Variants in MIPOL1 observed in about 807,000 individuals in gnomAD.
MIPOL1 encodes mirror-image polydactyly 1.
MIPOL1 carries 57 observed loss-of-function variants against 60.9 expected under a neutral mutation model. The ratio of observed to expected loss-of-function variants is 0.94; its 90% CI spans 0.76 to 1.17. The LOEUF is 1.17. Ranked by LOEUF, MIPOL1 falls within the 50% of genes most tolerant of loss-of-function variation. MIPOL1 has a pLI of 0.00. For missense variants in MIPOL1, 551 were observed against 511.6 expected (o/e 1.08, Z -0.74); for synonymous variants, 179 against 168.8 (o/e 1.06, Z -0.47).
chr14:37,239,963 C>T (rs1027205305), intron 1 of MIPOL1, among the ~76,000 whole-genome samples: 14 of 152,142 alleles, frequency 9.2e-5, no homozygotes, highest in African/African-American at 3.1e-4. Flanking sequence ...GCATGCAGCA[C>T]TGTCCTTTGG....
At chr14:37,302,155 A>G (rs1280607939) in intron 7 of MIPOL1, among the ~76,000 whole-genome samples, 2 of 149,424 alleles carry the variant, frequency 1.3e-5, no homozygotes, top group East Asian at 4.0e-4. Context: ...AATCTATGTT[A>G]ATTTTATAAG....
chr14:37,525,018 AAG>A (rs2095438580), intron 12 of MIPOL1, among the ~76,000 whole-genome samples: 1 of 152,194 alleles, frequency 6.6e-6, no homozygotes, highest in South Asian at 2.1e-4. Flanking sequence ...ATAAGAATAA[AAG>A]GGGTCCTTAA....
chr14:37,233,313 G>T (rs577178421), intron 1 of MIPOL1, among the ~76,000 whole-genome samples: 1 of 152,094 alleles, frequency 6.6e-6, no homozygotes, highest in East Asian at 1.9e-4. Context: ...GAAGTCAGTT[G>T]GCTGTATTTA....
intron 1 of MIPOL1, among the ~76,000 whole-genome samples, chr14:37,230,131 C>T (rs535162516): frequency 6.6e-6 from 1 of 152,082 alleles, no homozygotes; most frequent in South Asian, 2.1e-4. Flanking sequence ...TGCACCCATT[C>T]CACAATGTAT....
intron 6 of MIPOL1, chr14:37,278,802 T>C (rs1305331648): frequency 6.6e-6 from 1 of 151,916 alleles, no homozygotes; most frequent in African/African-American, 2.4e-5. Flanking sequence ...GGAATATGGA[T>C]TTGCCAATAG....
intron 11 of MIPOL1, among the ~76,000 whole-genome samples, chr14:37,442,310 T>G (rs768386429): frequency 6.6e-6 from 1 of 152,154 alleles, no homozygotes; most frequent in Non-Finnish European, 1.5e-5. Context: ...AATCATATTG[T>G]CAACAAAGAG....
chr14:37,480,638 A>G (rs2094848509), intron 11 of MIPOL1, among the ~76,000 whole-genome samples: 1 of 152,164 alleles, frequency 6.6e-6, no homozygotes, highest in African/African-American at 2.4e-5. Context: ...CTCCTCTAAG[A>G]TCTGGGATCA....
At chr14:37,362,927 C>T (rs1049661952) in intron 9 of MIPOL1, among the ~76,000 whole-genome samples, 2 of 152,130 alleles carry the variant, frequency 1.3e-5, no homozygotes, top group African/African-American at 2.4e-5. Flanking sequence ...GCATGTGTCA[C>T]GACATTCTTG....
chr14:37,469,956 A>G (rs1268398346), intron 11 of MIPOL1, among the ~76,000 whole-genome samples: 1 of 152,164 alleles, frequency 6.6e-6, no homozygotes, highest in Non-Finnish European at 1.5e-5. Flanking sequence ...ATGGACTAAG[A>G]TGGGGATGGA....
chr14:37,505,188 T>G (rs1014242765), intron 12 of MIPOL1: 4 of 152,176 alleles, frequency 2.6e-5, no homozygotes, highest in Admixed American at 1.3e-4. Context: ...GAGGAGCTGG[T>G]ACCATCCCTT....
chr14:37,435,883 G>T (rs1192746295), intron 11 of MIPOL1, among the ~76,000 whole-genome samples: 2 of 152,128 alleles, frequency 1.3e-5, no homozygotes, highest in African/African-American at 2.4e-5. Context: ...GCTTAGAAAT[G>T]ATAATGAAAA....
At chr14:37,338,959 A>G (rs1164407586) in intron 9 of MIPOL1, among the ~76,000 whole-genome samples, 1 of 152,204 alleles carries the variant, frequency 6.6e-6, no homozygotes, top group African/African-American at 2.4e-5. Flanking sequence ...AGCTGTAACT[A>G]TAAAGAAAAT....
chr14:37,526,414 G>T (rs1464306363), intron 12 of MIPOL1, among the ~76,000 whole-genome samples: 1 of 147,144 alleles, frequency 6.8e-6, no homozygotes, highest in Non-Finnish European at 1.5e-5. Context: ...CTGTCGTCCA[G>T]GCTCTAGTGC....
At chr14:37,551,944 G>T (rs967665655), downstream of MIPOL1, 5 of 150,964 alleles carry the variant, frequency 3.3e-5, no homozygotes, top group African/African-American at 1.2e-4. Context: ...CTACCATAAA[G>T]CACCTCTACT....
chr14:37,451,971 C>A (rs1045461721), intron 11 of MIPOL1, among the ~76,000 whole-genome samples: 1 of 150,756 alleles, frequency 6.6e-6, no homozygotes, highest in African/African-American at 2.5e-5. Context: ...CCCGCCATCA[C>A]GCCCGGCTAA....
At chr14:37,329,898 C>G (rs1490974721) in intron 9 of MIPOL1, among the ~76,000 whole-genome samples, 2 of 152,082 alleles carry the variant, frequency 1.3e-5, no homozygotes, top group Non-Finnish European at 2.9e-5. Flanking sequence ...AGAACCAACT[C>G]ATTACAATGG....
Position 37,339,280 on chromosome 14 carries a change from C to G in MIPOL1, c.829-30237C>G, listed in dbSNP as rs142437630. Among the ~76,000 whole-genome samples, 472 of 152,266 alleles carry G rather than the reference C, an allele frequency of 3.1e-3. 1 individual carries two copies. Among genetic ancestry groups the G allele is most frequent in the African/African-American group, 0.01 (429 of 41,556 alleles). On this transcript the variant is annotated intron_variant, in intron 9 of 12. Transcript: ENST00000684589. Reference sequence around the variant, plus strand: ...TACTACATCACATGCACTATGGTGTCTGAAATTAAAAAGACAGACAACAGC... The same window carrying G: ...TACTACATCACATGCACTATGGTGTGTGAAATTAAAAAGACAGACAACAGC...
chr14:37,201,837 C>G (rs1050912834), intron 1 of MIPOL1, among the ~76,000 whole-genome samples: 17 of 152,068 alleles, frequency 1.1e-4, no homozygotes, highest in African/African-American at 3.9e-4. Flanking sequence ...TGTTGTTGTT[C>G]TTGTTGTTGC....
In MIPOL1 at chr14:37,355,801, C is replaced by T. The variant is rs918201017; in HGVS notation, c.829-13716C>T. Among the ~76,000 whole-genome samples, 162 of 150,788 alleles carry T rather than the reference C, an allele frequency of 1.1e-3. 1 individual carries two copies. Among genetic ancestry groups the T allele is most frequent in the African/African-American group, 3.7e-3 (152 of 41,068 alleles). ...CTCTGTATTGGGTATTCTAGTTATA[C>T]ATTCTTCTAAATTTTTTTCAAAGTT... On this transcript the variant is annotated intron_variant, in intron 9 of 12. Transcript: ENST00000684589.
Sources: gnomAD v4.1 joint callset for allele counts (sites outside exome capture counted in the v4.1 genomes callset) on GRCh38, gnomAD v4.1.1 for gene constraint, MANE v1.5 for transcripts, NCBI Gene and HGNC (gene_info 2026-07-23, HGNC 2026-07-21) for gene names.